Variants in FUNDC1 observed in about 807,000 individuals in gnomAD.
FUNDC1 encodes FUN14 domain containing 1.
Under a neutral mutation model 14.5 loss-of-function variants are expected in FUNDC1, and 10 were observed. The ratio of observed to expected loss-of-function variants is 0.69; its 90% confidence interval spans 0.43 to 1.17. The LOEUF (loss-of-function observed/expected upper bound fraction) is 1.17. Among genes scored for constraint, FUNDC1 ranks in the 50% most tolerant of loss-of-function variants. The probability of loss-of-function intolerance (pLI) is 0.00; values close to 1 mark genes in which losing one functional copy is unlikely to be tolerated. For missense variants in FUNDC1, 115 were observed against 113.8 expected (o/e 1.01, Z -0.05); for synonymous variants, 33 against 39.7 (o/e 0.83, Z 0.64).
intron 4 of FUNDC1, among the ~76,000 whole-genome samples, chrX:44,524,558 G>A (rs1379666112): frequency 9.0e-6 from 1 of 111,138 alleles, no homozygotes; most frequent in East Asian, 2.8e-4. Context: ...CCACTGAACT[G>A]TATGCTTAAA....
chrX:44,530,018 T>C (rs757160885), intron 3 of FUNDC1, among the ~76,000 whole-genome samples: 5 of 111,846 alleles, frequency 4.5e-5, no homozygotes, highest in Non-Finnish European at 7.5e-5. Flanking sequence ...CCAGTCTAAA[T>C]TGAGCACCCT....
chrX:44,524,138 C>T lies in FUNDC1; in HGVS notation c.*60G>A. On this transcript the variant is annotated 3_prime_UTR_variant, in exon 5 of 5. Coordinates refer to ENST00000378045, the MANE Select transcript of FUNDC1 (RefSeq NM_173794.4). The stretch of plus-strand genomic sequence containing the variant: ...TGGCAGTATGACTTTTGAGAGACTG[C>T]CTTATTGCTGCCACTTCTCTTCTCA... 1 of 808,122 alleles carries T rather than the reference C, an allele frequency of 1.2e-6. No individual in the cohort carries two copies. Among genetic ancestry groups the T allele is most frequent in the Non-Finnish European group, 1.9e-6 (1 of 532,032 alleles). The allele number at this position is 808,122 out of a possible 1,213,427, so 66.6% of individuals were successfully genotyped here. A position where few individuals can be genotyped will look rare whatever the true frequency, so the allele number is the denominator to read the frequency against.
intron 2 of FUNDC1, among the ~76,000 whole-genome samples, chrX:44,540,502 G>A (rs1415647123): frequency 9.1e-6 from 1 of 109,689 alleles, no homozygotes; most frequent in East Asian, 2.9e-4. Context: ...GAAAAGGCAG[G>A]CAGCAGCCAC....
chrX:44,540,308 A>G, intron 2 of FUNDC1, among the ~76,000 whole-genome samples: 1 of 111,398 alleles, frequency 9.0e-6, no homozygotes, highest in South Asian at 3.7e-4. Flanking sequence ...AATTGCAAAA[A>G]TTTACTACAC....
rs1158233187 is a variant in FUNDC1, at chrX:44,523,731, T to C, written c.*467A>G. ...AAGGGTATTACAGTTTTTTAACTTA[T>C]TGCAAACATATCTTAAAAAAAAAAA... On this transcript the variant is annotated 3_prime_UTR_variant, in exon 5 of 5. Transcript: ENST00000378045. 1 of 105,601 alleles carries C rather than the reference T, an allele frequency of 9.5e-6. No individual in the cohort carries two copies. The highest frequency in any genetic ancestry group is 3.9e-4 in the South Asian group (1 of 2,543). The allele number at this position is 105,601 out of a possible 1,213,427, so 8.7% of individuals were successfully genotyped here.
intron 3 of FUNDC1, among the ~76,000 whole-genome samples, chrX:44,535,935 G>A (rs1358808243): frequency 8.6e-5 from 9 of 105,241 alleles, no homozygotes; most frequent in Non-Finnish European, 1.7e-4. Context: ...GCAGTGAGCC[G>A]AGATTGTGCC....
intron 3 of FUNDC1, among the ~76,000 whole-genome samples, chrX:44,532,557 ATT>A (rs1281101001): frequency 2.7e-4 from 27 of 100,016 alleles, no homozygotes; most frequent in African/African-American, 8.6e-4. Flanking sequence ...ATATATATAT[ATT>A]TTTTTTTTTT....
At chrX:44,536,168 G>A (rs907292672) in intron 3 of FUNDC1, among the ~76,000 whole-genome samples, 31 of 108,030 alleles carry the variant, frequency 2.9e-4, no homozygotes, top group African/African-American at 9.8e-4. Flanking sequence ...AAAAATTAGC[G>A]GGGTGCTGTG....
chrX:44,536,646 A>G (rs1453150009), intron 3 of FUNDC1, among the ~76,000 whole-genome samples: 2 of 111,713 alleles, frequency 1.8e-5, no homozygotes, highest in Admixed American at 9.6e-5. Flanking sequence ...AAACTGAAAG[A>G]TCAAGAAATG....
At chrX:44,538,330 A>G (rs1231716669) in intron 3 of FUNDC1, 137 bp downstream of exon 3, 1 of 486,197 alleles carries the variant, frequency 2.1e-6, no homozygotes, top group Non-Finnish European at 3.6e-6. Flanking sequence ...TTAATAACTC[A>G]GAAGTATTTA....
chrX:44,540,253 C>G (rs2038965190), intron 2 of FUNDC1, among the ~76,000 whole-genome samples: 3 of 111,588 alleles, frequency 2.7e-5, no homozygotes, highest in African/African-American at 9.8e-5. Flanking sequence ...AACTGTTCCT[C>G]CTTAATATAC....
intron 3 of FUNDC1, among the ~76,000 whole-genome samples, chrX:44,533,109 A>G (rs985098065): frequency 1.8e-5 from 2 of 111,914 alleles, no homozygotes; most frequent in Non-Finnish European, 3.8e-5. Flanking sequence ...AGAAGCTTCT[A>G]TCTTCGAATT....
intron 3 of FUNDC1, among the ~76,000 whole-genome samples, chrX:44,531,349 C>G: frequency 1.2e-5 from 1 of 81,378 alleles, no homozygotes. Context: ...CACACACACA[C>G]ACACACACAC....
chrX:44,542,813 G>A lies in FUNDC1; in HGVS notation c.20C>T (p.Pro7Leu), dbSNP rs750727849. The A allele has an allele frequency of 1.3e-5, 15 of 1,168,585 alleles. No homozygotes were observed. Among genetic ancestry groups the A allele is most frequent in the Non-Finnish European group, 1.6e-5 (14 of 872,960 alleles). ...GGGCCCTGGCCGCTCACCTTGGGGA[G>A]GGGGGTTCCGGGTCGCCATGATACC... is the stretch of plus-strand genomic sequence containing the variant. Reference protein sequence around the residue: MATRNPPPQDYESDDDS... With the variant: MATRNPLPQDYESDDDS... The change falls in exon 1 of 5, where the codon CCT becomes CTT. Residue 7 changes from proline (P) to leucine (L), a missense_variant. By Grantham distance (98) the Pro-to-Leu change is moderately conservative. Transcript: ENST00000378045.
chrX:44,542,272 A>T, intron 1 of FUNDC1, 171 bp from the exon 2 acceptor site: 2 of 439,001 alleles, frequency 4.6e-6, no homozygotes, highest in Non-Finnish European at 7.8e-6. Context: ...CCAGGGCCTC[A>T]AGAGTAAAGG....
At chrX:44,533,627 CAAAAAAAAAAA>C (rs1156843539) in intron 3 of FUNDC1, among the ~76,000 whole-genome samples, 1 of 18,733 alleles carries the variant, frequency 5.3e-5, no homozygotes, top group Non-Finnish European at 9.0e-5. Context: ...GACTCCGTCT[CAAAAAAAAAAA>C]AAAAAAAAAA....
At position 44,533,279 on chromosome X, in the gene FUNDC1, T is replaced by C. The variant is rs747004539; in HGVS notation, c.261+5188A>G. Among the ~76,000 whole-genome samples, 23 of 110,778 alleles carry C rather than the reference T, an allele frequency of 2.1e-4. No individual in the cohort carries two copies. The East Asian group carries it at 5.7e-3, about 27-fold the overall frequency. Reference sequence around the variant, plus strand: ...CTAACCATTGCATTGGTTGAAACAATGGGTTGGAGGAGGACAAGTCACACA... The same window carrying C: ...CTAACCATTGCATTGGTTGAAACAACGGGTTGGAGGAGGACAAGTCACACA... On this transcript the variant is annotated intron_variant, in intron 3 of 4. Coordinates refer to ENST00000378045, the MANE Select transcript of FUNDC1 (RefSeq NM_173794.4).
At position 44,526,355 on chromosome X, in the gene FUNDC1, G is replaced by A. The variant is rs770949787; in HGVS notation, c.390+882C>T. ...TGGGGCAGGAGAATCGCTTGAACCC[G>A]AGAGGCGAAGGTTGCAGTGAGCCAA... On this transcript the variant is annotated intron_variant, in intron 4 of 4. Coordinates refer to ENST00000378045, the MANE Select transcript of FUNDC1 (RefSeq NM_173794.4). Among the ~76,000 whole-genome samples the A allele has an allele frequency of 3.7e-5, 4 of 108,793 alleles. No homozygotes were observed. The East Asian group carries it at 1.2e-3, about 32-fold the overall frequency. The allele number at this position is 108,793 out of a possible 115,157, so 94.5% of individuals were successfully genotyped here.
chrX:44,527,146 A>T, intron 4 of FUNDC1, 91 bp downstream of exon 4: 1 of 658,385 alleles, frequency 1.5e-6, no homozygotes, highest in South Asian at 4.0e-5. Flanking sequence ...AAAAGACAGT[A>T]ATCCCCCCCG....
Sources: gnomAD v4.1 joint callset for allele counts (sites outside exome capture counted in the v4.1 genomes callset) on GRCh38, gnomAD v4.1.1 for gene constraint, MANE v1.5 for transcripts, NCBI Gene and HGNC (gene_info 2026-07-23, HGNC 2026-07-21) for gene names.